The following SDCCAG8 variants were observed in gnomAD, a reference collection of about 807,000 sequenced individuals.
SDCCAG8 encodes SHH signaling and ciliogenesis regulator SDCCAG8.
A neutral mutation model predicts 101.8 loss-of-function variants in SDCCAG8; 74 were observed. The observed-to-expected ratio is 0.73, with a 90% confidence interval of 0.60 to 0.88. SDCCAG8 has a LOEUF of 0.88. SDCCAG8 is among the 40% of genes least tolerant of loss of function. SDCCAG8 has a pLI of 0.00. For missense variants in SDCCAG8, 787 were observed against 822.6 expected (o/e 0.96, Z 0.53); for synonymous variants, 281 against 292.9 (o/e 0.96, Z 0.41).
chr1:243,328,457 T>G (rs2074366950), intron 9 of SDCCAG8, among the ~76,000 whole-genome samples: 1 of 152,076 alleles, frequency 6.6e-6, no homozygotes, highest in Admixed American at 6.5e-5. Flanking sequence ...TTTCATATTT[T>G]AGTAGGACGG....
chr1:243,481,915 G>A (rs1353903833), intron 16 of SDCCAG8, among the ~76,000 whole-genome samples: 2 of 152,226 alleles, frequency 1.3e-5, no homozygotes, highest in Non-Finnish European at 2.9e-5. Flanking sequence ...TAAGGATATA[G>A]GCCCCCTCTG....
intron 16 of SDCCAG8, among the ~76,000 whole-genome samples, chr1:243,486,095 G>A (rs192083740): frequency 2.8e-4 from 42 of 149,572 alleles, no homozygotes; most frequent in Admixed American, 2.3e-3. Flanking sequence ...TACTCTACTC[G>A]GGAGGCTGAG....
intron 16 of SDCCAG8, among the ~76,000 whole-genome samples, chr1:243,441,571 C>G (rs1466007935): frequency 1.3e-5 from 2 of 152,098 alleles, no homozygotes. Flanking sequence ...TCTTCAAATT[C>G]ATATGGCTAG....
intron 6 of SDCCAG8, among the ~76,000 whole-genome samples, chr1:243,302,160 A>G (rs1200475020): frequency 6.6e-6 from 1 of 152,210 alleles, no homozygotes; most frequent in African/African-American, 2.4e-5. Flanking sequence ...AGGCATGAGA[A>G]TCACTTGAAC....
intron 16 of SDCCAG8, chr1:243,475,909 G>A (rs1287076420): frequency 1.6e-5 from 16 of 984,000 alleles, no homozygotes; most frequent in Admixed American, 6.2e-5. Context: ...AATTGACTCC[G>A]CGTATTCCTT....
At chr1:243,296,581 C>T (rs2070920185) in intron 6 of SDCCAG8, among the ~76,000 whole-genome samples, 2 of 104,992 alleles carry the variant, frequency 1.9e-5, no homozygotes, top group East Asian at 3.4e-4. Context: ...CTCGTTCTGT[C>T]GCCCAGGCGG....
chr1:243,308,440 TGA>T (rs543094525), intron 8 of SDCCAG8, among the ~76,000 whole-genome samples: 33 of 152,348 alleles, frequency 2.2e-4, no homozygotes, highest in African/African-American at 7.0e-4. Context: ...CATCTTCAAG[TGA>T]GAGAATTGAA....
chr1:243,351,033 T>C (rs2076056268), intron 12 of SDCCAG8, among the ~76,000 whole-genome samples: 1 of 152,222 alleles, frequency 6.6e-6, no homozygotes. Flanking sequence ...TTTAAAGCTG[T>C]GTACTCTTTT....
chr1:243,282,963 C>T (rs1390716183), intron 4 of SDCCAG8, among the ~76,000 whole-genome samples: 3 of 152,130 alleles, frequency 2.0e-5, no homozygotes, highest in Non-Finnish European at 2.9e-5. Context: ...TCTCATGCCT[C>T]AGCCTCCCGA....
At chr1:243,436,132 A>T (rs2082113698) in intron 16 of SDCCAG8, among the ~76,000 whole-genome samples, 1 of 151,690 alleles carries the variant, frequency 6.6e-6, no homozygotes. Flanking sequence ...CTACCATTGA[A>T]CATGCTCTGT....
chr1:243,274,455 A>C, intron 3 of SDCCAG8, 88 bp from the exon 4 acceptor site: 2 of 759,292 alleles, frequency 2.6e-6, no homozygotes, highest in Non-Finnish European at 4.6e-6. Context: ...GAAGGTAACA[A>C]CTGATTCTTT....
chr1:243,322,319 C>T (rs754774068), intron 9 of SDCCAG8, among the ~76,000 whole-genome samples: 1 of 152,208 alleles, frequency 6.6e-6, no homozygotes, highest in African/African-American at 2.4e-5. Flanking sequence ...GATACCAGTG[C>T]AGCCAGTCTG....
intron 13 of SDCCAG8, among the ~76,000 whole-genome samples, chr1:243,399,693 G>A (rs1010603340): frequency 5.3e-5 from 8 of 152,020 alleles, no homozygotes; most frequent in African/African-American, 1.9e-4. Flanking sequence ...TTTTAGTAGA[G>A]ACGAGATTTC....
intron 8 of SDCCAG8, among the ~76,000 whole-genome samples, chr1:243,315,514 A>C (rs945149974): frequency 3.3e-5 from 5 of 152,214 alleles, no homozygotes; most frequent in African/African-American, 1.2e-4. Context: ...GCAGCAACTT[A>C]TTCTTTTTTA....
chr1:243,388,880 C>T (rs1031819794), intron 13 of SDCCAG8, among the ~76,000 whole-genome samples: 1 of 149,276 alleles, frequency 6.7e-6, no homozygotes, highest in Non-Finnish European at 1.5e-5. Flanking sequence ...TGCCTGAGTC[C>T]TGGTTATTTG....
Position 243,304,710 on chromosome 1 carries a change from T to C in SDCCAG8, c.676-3T>C, listed in dbSNP as rs559252091. 3 of 1,509,556 alleles carry C rather than the reference T, an allele frequency of 2.0e-6. No individual in the cohort carries two copies. In the South Asian group the frequency reaches 3.4e-5, roughly 17 times the overall value. 93.5% of individuals were successfully genotyped at this position (1,509,556 alleles called of 1,614,324 possible). On this transcript the variant is annotated splice_polypyrimidine_tract_variant and splice_region_variant and intron_variant, in intron 6 of 17. Coordinates refer to ENST00000366541, the MANE Select transcript of SDCCAG8 (RefSeq NM_006642.5). Reference sequence around the variant, plus strand: ...AATGTACTTCTATTTTTCTTTTCTATAGGAGAAGCTAAAACTTACTTATGA... The same window carrying C: ...AATGTACTTCTATTTTTCTTTTCTACAGGAGAAGCTAAAACTTACTTATGA...
At chr1:243,379,291 T>A (rs532955467) in intron 13 of SDCCAG8, among the ~76,000 whole-genome samples, 1 of 152,264 alleles carries the variant, frequency 6.6e-6, no homozygotes, top group East Asian at 1.9e-4. Flanking sequence ...GAAATGGAAC[T>A]GATACAAAAT....
intron 16 of SDCCAG8, among the ~76,000 whole-genome samples, chr1:243,439,320 A>G (rs918963359): frequency 6.6e-6 from 1 of 151,460 alleles, no homozygotes; most frequent in Non-Finnish European, 1.5e-5. Flanking sequence ...CACCCAGTTT[A>G]CCATTTTAAA....
chr1:243,288,963 C>T (rs796858072), intron 5 of SDCCAG8, among the ~76,000 whole-genome samples: 5 of 149,298 alleles, frequency 3.3e-5, no homozygotes, highest in East Asian at 2.0e-4. Flanking sequence ...GCTGAGACTG[C>T]GCCACTGCAC....
Sources: allele counts gnomAD v4.1 joint callset (sites outside exome capture counted in the v4.1 genomes callset), GRCh38; gene constraint gnomAD v4.1.1; transcripts MANE v1.5; gene names NCBI Gene and HGNC (gene_info 2026-07-23, HGNC 2026-07-21).